The following CUBN variants were observed in gnomAD, a reference collection of about 807,000 sequenced individuals.
The protein encoded by CUBN is cubilin.
Under a neutral mutation model 405.3 loss-of-function variants are expected in CUBN, and 282 were observed. The ratio of observed to expected loss-of-function variants is 0.70; its 90% CI spans 0.63 to 0.77. CUBN has a LOEUF of 0.77. Among genes scored for constraint, CUBN ranks in the 30% least tolerant of loss-of-function variants. CUBN has a pLI of 0.00. For synonymous variants in CUBN, 1,684 were observed against 1,617.0 expected (o/e 1.04, Z -0.99); for missense variants, 4,514 against 4,475.2 (o/e 1.01, Z -0.25).
chr10:16,918,350 G>A (rs1841944872), intron 45 of CUBN, among the ~76,000 whole-genome samples: 2 of 152,072 alleles, frequency 1.3e-5, no homozygotes, highest in African/African-American at 2.4e-5. Flanking sequence ...AGTTTGATAG[G>A]AATCCCATTG....
chr10:16,887,016 G>A (rs754312429), intron 56 of CUBN, among the ~76,000 whole-genome samples: 16 of 152,192 alleles, frequency 1.1e-4, no homozygotes, highest in African/African-American at 3.1e-4. Flanking sequence ...TCGAACTCCC[G>A]ACCTCAGGTG....
chr10:17,087,472 C>CTTTTTTTTTTTTTTTT lies in CUBN; in HGVS notation c.1947+676_1947+691dup. On this transcript the variant is annotated intron_variant, in intron 15 of 66. Coordinates refer to ENST00000377833, the MANE Select transcript of CUBN (RefSeq NM_001081.4). ...CACAATCACTATTATTTTTCTTTTTCTTTTTTTTTTTTTTTTTTTTTTAGA... is the reference window on the plus strand; with the variant it reads ...CACAATCACTATTATTTTTCTTTTTCTTTTTTTTTTTTTTTTTTTTTTTTTTTTTTTTTTTTTTAGA... 7.9e-4 allele frequency among the ~76,000 whole-genome samples: 57 copies of CTTTTTTTTTTTTTTTT among 71,716 alleles called. 1 individual carries two copies. Among genetic ancestry groups the CTTTTTTTTTTTTTTTT allele is most frequent in the African/African-American group, 1.1e-3 (24 of 21,128 alleles). 47.0% of individuals were successfully genotyped at this position (71,716 alleles called of 152,430 possible).
chr10:16,858,636 T>C (rs1395995021), intron 59 of CUBN, among the ~76,000 whole-genome samples: 1 of 152,242 alleles, frequency 6.6e-6, no homozygotes, highest in Non-Finnish European at 1.5e-5. Context: ...TTTTAAAATT[T>C]ATATGGAAAG....
intron 59 of CUBN, 74 bp downstream of exon 59, chr10:16,869,551 TGGGGGTGGGGG>T: frequency 2.4e-6 from 2 of 817,682 alleles, no homozygotes; most frequent in Non-Finnish European, 3.7e-6. Flanking sequence ...CATAATCAGG[TGGGGGTGGGGG>T]GGGGGCGGGG....
At chr10:17,057,461 C>T (rs1161890399) in intron 22 of CUBN, among the ~76,000 whole-genome samples, 1 of 151,976 alleles carries the variant, frequency 6.6e-6, no homozygotes, top group Non-Finnish European at 1.5e-5. Context: ...GGTGTGGAGC[C>T]CCAACTCCTA....
Position 17,055,203 on chromosome 10 carries a change from G to A in CUBN, c.3140-7600C>T, listed in dbSNP as rs1026590519. On this transcript the variant is annotated intron_variant, in intron 22 of 66. Transcript: ENST00000377833. Reference sequence around the variant, plus strand: ...AAAGCTTTGAAAGATACCAAAAGATGCAGAAAAATTCAACACCTATCCAGG... The same window carrying A: ...AAAGCTTTGAAAGATACCAAAAGATACAGAAAAATTCAACACCTATCCAGG... Among the ~76,000 whole-genome samples the A allele has an allele frequency of 6.6e-5, 10 of 152,048 alleles. No individual in the cohort carries two copies. The South Asian group carries it at 1.0e-3, about 16-fold the overall frequency.
intron 27 of CUBN, among the ~76,000 whole-genome samples, chr10:17,026,974 G>A (rs550958450): frequency 6.6e-6 from 1 of 152,310 alleles, no homozygotes; most frequent in Non-Finnish European, 1.5e-5. Context: ...CTTTGCATGA[G>A]AGCAAAAAAC....
At chr10:16,918,904 C>A (rs529945981) in intron 44 of CUBN, 104 bp from the exon 45 acceptor site, 469 of 1,086,448 alleles carry the variant, frequency 4.3e-4, no homozygotes, top group Non-Finnish European at 5.9e-4. Context: ...ATCATCATTT[C>A]TTAGCATAAA....
Position 16,845,552 on chromosome 10 carries a change from A to G in CUBN, c.9664-4505T>C, listed in dbSNP as rs546899285. Among the ~76,000 whole-genome samples, 44 of 152,364 alleles carry G rather than the reference A, an allele frequency of 2.9e-4. No individual in the cohort carries two copies. The South Asian group carries it at 7.4e-3, about 26-fold the overall frequency. ...ATACTAGTCCCAGATGTCTGGGAAAAAGCCACAAAGAAGCAATGATTAGAA... is the reference window on the plus strand; with the variant it reads ...ATACTAGTCCCAGATGTCTGGGAAAGAGCCACAAAGAAGCAATGATTAGAA... On this transcript the variant is annotated intron_variant, in intron 60 of 66. Transcript: ENST00000377833.
intron 4 of CUBN, among the ~76,000 whole-genome samples, chr10:17,124,710 G>A (rs549759039): frequency 1.1e-4 from 16 of 152,156 alleles, no homozygotes; most frequent in Non-Finnish European, 1.8e-4. Context: ...TTACAGGTGT[G>A]AGCCACCGCG....
chr10:16,963,668 G>A (rs1383080982), intron 31 of CUBN, among the ~76,000 whole-genome samples: 1 of 152,134 alleles, frequency 6.6e-6, no homozygotes, highest in Non-Finnish European at 1.5e-5. Flanking sequence ...TCATTAACAG[G>A]AGAATGGGCA....
At chr10:16,828,426 G>T (rs559209524) in intron 66 of CUBN, among the ~76,000 whole-genome samples, 14 of 152,270 alleles carry the variant, frequency 9.2e-5, no homozygotes, top group South Asian at 2.1e-4. Context: ...GCCTTTGAAA[G>T]TCTACACTAG....
intron 54 of CUBN, among the ~76,000 whole-genome samples, chr10:16,891,905 T>C (rs1329392240): frequency 6.6e-6 from 1 of 152,140 alleles, no homozygotes; most frequent in African/African-American, 2.4e-5. Context: ...ATACCCAATA[T>C]GCCCTTTCTA....
chr10:16,832,288 C>G (rs1839029414), intron 64 of CUBN, among the ~76,000 whole-genome samples: 1 of 152,148 alleles, frequency 6.6e-6, no homozygotes, highest in Non-Finnish European at 1.5e-5. Context: ...TCTATGTATT[C>G]AAAATATTGG....
intron 10 of CUBN, 77 bp from the exon 11 acceptor site, chr10:17,105,652 GC>G (rs1186092484): frequency 2.4e-6 from 2 of 817,840 alleles, no homozygotes; most frequent in Non-Finnish European, 4.2e-6. Context: ...CTCAGAATCT[GC>G]TGTCTAGACA....
chr10:16,854,790 T>C (rs1839819984), intron 59 of CUBN, among the ~76,000 whole-genome samples: 2 of 152,168 alleles, frequency 1.3e-5, no homozygotes, highest in South Asian at 2.1e-4. Context: ...GTACTACTGC[T>C]ATGACTAATG....
At chr10:16,852,690 C>A (rs1046795348) in intron 59 of CUBN, among the ~76,000 whole-genome samples, 3 of 152,186 alleles carry the variant, frequency 2.0e-5, no homozygotes, top group Admixed American at 2.0e-4. Context: ...TTGAAAAATC[C>A]AGTTTTATAC....
intron 31 of CUBN, among the ~76,000 whole-genome samples, chr10:16,977,452 T>A (rs1032783646): frequency 6.6e-6 from 1 of 152,018 alleles, no homozygotes; most frequent in Non-Finnish European, 1.5e-5. Flanking sequence ...TCAGCCAGGG[T>A]CAGTCAAAGA....
intron 31 of CUBN, chr10:16,965,949 G>T (rs1006785705): frequency 2.3e-5 from 11 of 471,038 alleles, no homozygotes; most frequent in Non-Finnish European, 4.4e-5. Flanking sequence ...AACCCCATCT[G>T]TCTGACGTCC....
Sources: allele counts gnomAD v4.1 joint callset (sites outside exome capture counted in the v4.1 genomes callset), GRCh38; gene constraint gnomAD v4.1.1; transcripts MANE v1.5; gene names NCBI Gene and HGNC (gene_info 2026-07-23, HGNC 2026-07-21).